SLC24A2: variants seen among roughly 807,000 people sequenced by gnomAD.
SLC24A2 encodes the protein sodium/potassium/calcium exchanger 2.
A neutral mutation model predicts 62.0 loss-of-function variants in SLC24A2; 36 were observed. The observed-to-expected ratio is 0.58, with a 90% confidence interval of 0.44 to 0.77. SLC24A2 has a LOEUF of 0.77. Ranked by LOEUF, SLC24A2 falls within the 30% of genes least tolerant of loss-of-function variation. SLC24A2 has a pLI of 0.00. For synonymous variants in SLC24A2, 358 were observed against 294.0 expected (o/e 1.22, Z -2.23); for missense variants, 846 against 817.9 (o/e 1.03, Z -0.42).
At chr9:19,598,631 G>A (rs1836767052) in intron 4 of SLC24A2, among the ~76,000 whole-genome samples, 1 of 151,744 alleles carries the variant, frequency 6.6e-6, no homozygotes, top group South Asian at 2.1e-4. Flanking sequence ...TTTTTTTCAT[G>A]ACTTCTGGGG....
the SLC24A2 span, among the ~76,000 whole-genome samples, chr9:20,212,680 A>G: frequency 2.0e-5 from 3 of 151,246 alleles, no homozygotes; most frequent in South Asian, 4.1e-4. Context: ...AACAATAAGT[A>G]TGAGTGATTT....
At chr9:19,922,171 G>C in the SLC24A2 span, among the ~76,000 whole-genome samples, 3 of 152,174 alleles carry the variant, frequency 2.0e-5, no homozygotes, top group African/African-American at 7.2e-5. Flanking sequence ...TAAAGATTCT[G>C]AAAGTGGAAA....
intron 9 of SLC24A2, among the ~76,000 whole-genome samples, chr9:19,525,078 T>A (rs1401297769): frequency 2.6e-5 from 4 of 152,180 alleles, no homozygotes; most frequent in African/African-American, 9.7e-5. Flanking sequence ...TGCCAGGTGT[T>A]GGTAGCAAAT....
chr9:19,914,351 T>C, the SLC24A2 span, among the ~76,000 whole-genome samples: 1 of 131,752 alleles, frequency 7.6e-6, no homozygotes, highest in East Asian at 2.0e-4. Flanking sequence ...TGGCTTTCCA[T>C]TATCACGAAA....
the SLC24A2 span, among the ~76,000 whole-genome samples, chr9:20,276,368 T>C: frequency 1.1e-4 from 16 of 152,170 alleles, no homozygotes; most frequent in African/African-American, 3.1e-4. Context: ...TCCAAAATGA[T>C]CTCCTTTGAC....
At chr9:19,941,126 G>C in the SLC24A2 span, among the ~76,000 whole-genome samples, 1 of 152,064 alleles carries the variant, frequency 6.6e-6, no homozygotes, top group Non-Finnish European at 1.5e-5. Context: ...GTCATAAATG[G>C]CCCTCTAAAA....
At position 19,632,573 on chromosome 9, in the gene SLC24A2, A is replaced by G. The variant is rs962616295; in HGVS notation, c.931-10274T>C. On this transcript the variant is annotated intron_variant, in intron 2 of 10. Transcript: ENST00000341998. This position sits in a 1 kb window ranked among gnomAD's most constrained non-coding sequence, Gnocchi z 4.5. ...ATCGAGCACTAACTACAGTTGAAAT[A>G]CTGGGCTAAATGCTCATTCATAATC... 6.6e-6 allele frequency among the ~76,000 whole-genome samples: 1 copy of G among 152,218 alleles called. No homozygotes were observed. Among genetic ancestry groups the G allele is most frequent in the Admixed American group, 6.5e-5 (1 of 15,280 alleles).
chr9:19,509,282 AAATG>A lies in SLC24A2; in HGVS notation c.*6867_*6870del, dbSNP rs1278283494. The A allele has an allele frequency of 6.6e-6, 1 of 152,226 alleles. No homozygotes were observed. The highest frequency in any genetic ancestry group is 1.9e-4 in the East Asian group (1 of 5,206). The allele number at this position is 152,226 out of a possible 1,614,324, so 9.4% of individuals were successfully genotyped here. A position where few individuals can be genotyped will look rare whatever the true frequency, so the allele number is the denominator to read the frequency against. ...TTTGAAAACGAAGACTGCTTTTGTGAAATGAATAATTTCTTTGATTTTCAAACAG... is the reference window on the plus strand; with the variant it reads ...TTTGAAAACGAAGACTGCTTTTGTGAAATAATTTCTTTGATTTTCAAACAG... On this transcript the variant is annotated 3_prime_UTR_variant, in exon 11 of 11. Coordinates refer to ENST00000341998, the MANE Select transcript of SLC24A2 (RefSeq NM_020344.4).
the SLC24A2 span, among the ~76,000 whole-genome samples, chr9:20,278,289 C>T: frequency 3.3e-5 from 5 of 152,168 alleles, no homozygotes; most frequent in South Asian, 1.0e-3. Flanking sequence ...TATCACATAT[C>T]AGGCTGCAAA....
chr9:19,719,851 C>A (rs759555800), intron 2 of SLC24A2, among the ~76,000 whole-genome samples: 10 of 152,134 alleles, frequency 6.6e-5, no homozygotes, highest in Non-Finnish European at 1.5e-4. Context: ...ATTGATCACA[C>A]CTAGAAACTG....
chr9:19,736,998 A>T (rs1821530224), intron 2 of SLC24A2, among the ~76,000 whole-genome samples: 1 of 152,246 alleles, frequency 6.6e-6, no homozygotes, highest in African/African-American at 2.4e-5. Flanking sequence ...CTGCAAATAT[A>T]GTGGGAAATT....
the SLC24A2 span, among the ~76,000 whole-genome samples, chr9:19,931,607 A>G: frequency 6.6e-6 from 1 of 152,234 alleles, no homozygotes; most frequent in Non-Finnish European, 1.5e-5. Context: ...AGGCTTTTAT[A>G]TTTAAATCAC....
At chr9:19,708,891 C>A (rs972416282) in intron 2 of SLC24A2, among the ~76,000 whole-genome samples, 12 of 152,140 alleles carry the variant, frequency 7.9e-5, no homozygotes, top group South Asian at 2.1e-4. Flanking sequence ...GCAACAAAAG[C>A]CAAAATTGAC....
At chr9:19,921,836 A>C in the SLC24A2 span, among the ~76,000 whole-genome samples, 4 of 152,198 alleles carry the variant, frequency 2.6e-5, no homozygotes, top group Admixed American at 6.5e-5. Context: ...CAATACAAAA[A>C]GGATATCTTA....
the SLC24A2 span, among the ~76,000 whole-genome samples, chr9:20,002,221 C>T: frequency 1.6e-4 from 25 of 152,108 alleles, no homozygotes; most frequent in Admixed American, 1.5e-3. Context: ...CATTTCACCC[C>T]AACTCTGTGT....
intron 8 of SLC24A2, among the ~76,000 whole-genome samples, chr9:19,545,122 A>T (rs1015680307): frequency 2.8e-4 from 42 of 151,724 alleles, no homozygotes; most frequent in African/African-American, 8.9e-4. Flanking sequence ...GCTTTGTTTG[A>T]TCCCTTTCAT....
At chr9:19,570,610 G>T (rs750493287) in intron 7 of SLC24A2, among the ~76,000 whole-genome samples, 50 of 152,332 alleles carry the variant, frequency 3.3e-4, no homozygotes, top group Admixed American at 3.3e-4. Context: ...CTCGAATGGT[G>T]TTTTAATGAT....
At chr9:19,567,345 G>C (rs538715415) in intron 7 of SLC24A2, among the ~76,000 whole-genome samples, 3 of 151,770 alleles carry the variant, frequency 2.0e-5, no homozygotes, top group Admixed American at 2.0e-4. Flanking sequence ...AGGAGATCAA[G>C]ACCTTCCTGG....
chr9:20,197,164 T>C, the SLC24A2 span, among the ~76,000 whole-genome samples: 3 of 152,172 alleles, frequency 2.0e-5, no homozygotes, highest in South Asian at 6.2e-4. Context: ...AATTTCTATA[T>C]TACTTGGATA....
Sources: gnomAD v4.1 joint callset for allele counts (sites outside exome capture counted in the v4.1 genomes callset) on GRCh38, gnomAD v4.1.1 for gene constraint, Gnocchi (gnomAD v3.1) non-coding constraint, MANE v1.5 for transcripts, NCBI Gene and HGNC (gene_info 2026-07-23, HGNC 2026-07-21) for gene names.